Variants in STK32A observed in about 807,000 individuals in gnomAD.
STK32A encodes serine/threonine kinase 32A.
STK32A carries 41 observed loss-of-function variants against 53.2 expected under a neutral mutation model. That is an observed-to-expected ratio of 0.77 (90% CI 0.60 to 1.00). The LOEUF is 1.00. STK32A is among the 50% of genes least tolerant of loss of function. STK32A has a pLI of 0.00. For missense variants in STK32A, 458 were observed against 485.8 expected (o/e 0.94, Z 0.54); for synonymous variants, 166 against 162.8 (o/e 1.02, Z -0.15).
chr5:147,336,293 A>G (rs1043419478), intron 5 of STK32A, among the ~76,000 whole-genome samples: 1 of 151,986 alleles, frequency 6.6e-6, no homozygotes, highest in Non-Finnish European at 1.5e-5. Context: ...GGTCATGCCT[A>G]AGCTTTGCTG....
rs754859942 is a variant in STK32A, at chr5:147,342,989, T to TC, written c.435-16dup. ...TTTTATTGTGAGCAACTTTCTTTTTTCTTTTTACTCCTCTAGGGATATGAA... is the reference window on the plus strand; with the variant it reads ...TTTTATTGTGAGCAACTTTCTTTTTTCCTTTTTACTCCTCTAGGGATATGAA... On this transcript the variant is annotated splice_polypyrimidine_tract_variant and intron_variant, in intron 5 of 12. Coordinates refer to ENST00000397936, the MANE Select transcript of STK32A (RefSeq NM_001112724.2). 1 of 1,613,002 alleles carries TC rather than the reference T, an allele frequency of 6.2e-7. No individual in the cohort carries two copies. The highest frequency in any genetic ancestry group is 1.3e-5 in the African/African-American group (1 of 75,004).
At chr5:147,343,990 C>T (rs970657992) in intron 6 of STK32A, among the ~76,000 whole-genome samples, 26 of 152,088 alleles carry the variant, frequency 1.7e-4, no homozygotes, top group African/African-American at 6.0e-4. Flanking sequence ...ACGATTTCTT[C>T]CTAATATTTA....
chr5:147,360,312 G>A (rs943849158), intron 7 of STK32A, among the ~76,000 whole-genome samples: 19 of 151,716 alleles, frequency 1.3e-4, no homozygotes, highest in Non-Finnish European at 2.5e-4. Flanking sequence ...TTTACCAAAT[G>A]TGGTGGTACC....
chr5:147,399,375 G>A, the STK32A span: 1 of 1,155,322 alleles, frequency 8.7e-7, no homozygotes, highest in Non-Finnish European at 1.2e-6. Context: ...CACCTGAAAA[G>A]CTGGTGAGCT....
At chr5:147,242,229 C>A (rs541287655) in intron 2 of STK32A, among the ~76,000 whole-genome samples, 4 of 152,260 alleles carry the variant, frequency 2.6e-5, no homozygotes, top group East Asian at 3.9e-4. Flanking sequence ...CTGTGCCTCC[C>A]AAAGGTGCTA....
chr5:147,386,760 G>C lies in STK32A; in HGVS notation c.*2777G>C, dbSNP rs1752977571. The stretch of plus-strand genomic sequence containing the variant: ...ATGACACACAGTGTATTTCAAGTTT[G>C]AAAAGCAAAACCATGGTATCTGACA... On this transcript the variant is annotated 3_prime_UTR_variant, in exon 13 of 13. Transcript: ENST00000397936. The C allele has an allele frequency of 6.6e-6, 1 of 152,168 alleles. No individual in the cohort carries two copies. The highest frequency in any genetic ancestry group is 2.1e-4 in the South Asian group (1 of 4,824). The allele number at this position is 152,168 out of a possible 1,614,324, so 9.4% of individuals were successfully genotyped here.
intron 2 of STK32A, among the ~76,000 whole-genome samples, chr5:147,260,545 C>A: frequency 6.9e-6 from 1 of 145,894 alleles, no homozygotes; most frequent in Non-Finnish European, 1.5e-5. Context: ...TCTCGCCTTG[C>A]CTGTCCTCGA....
chr5:147,340,103 C>T (rs1755332312), intron 5 of STK32A, among the ~76,000 whole-genome samples: 1 of 152,162 alleles, frequency 6.6e-6, no homozygotes, highest in Non-Finnish European at 1.5e-5. Flanking sequence ...TTAGCATGCT[C>T]ATGTATTATA....
At chr5:147,276,910 T>G (rs1755288450) in intron 2 of STK32A, among the ~76,000 whole-genome samples, 3 of 152,206 alleles carry the variant, frequency 2.0e-5, no homozygotes, top group South Asian at 4.1e-4. Context: ...TTCATTATTT[T>G]GAGTCCAAGT....
chr5:147,376,762 T>A (rs557461157), intron 11 of STK32A, among the ~76,000 whole-genome samples: 1 of 152,176 alleles, frequency 6.6e-6, no homozygotes, highest in Admixed American at 6.5e-5. Context: ...CATCTTCACA[T>A]AGGGGGCTTC....
chr5:147,235,268 T>C (rs1753262837), intron 1 of STK32A, 69 bp downstream of exon 1: 1 of 152,268 alleles, frequency 6.6e-6, no homozygotes, highest in African/African-American at 2.4e-5. Context: ...GTTGGGAAGC[T>C]AGGAAGTGCA....
chr5:147,383,876 CT>C lies in STK32A; in HGVS notation c.1098-10del, dbSNP rs770622909. ...CAAAGAATAAAACATCTTTTTTTTTCTTTTCTTTTTAAGAGTAAACAGGGAC... is the reference window on the plus strand; with the variant it reads ...CAAAGAATAAAACATCTTTTTTTTTCTTTCTTTTTAAGAGTAAACAGGGAC... On this transcript the variant is annotated splice_polypyrimidine_tract_variant and intron_variant, in intron 12 of 12. Transcript: ENST00000397936. 5.6e-6 allele frequency: 8 copies of C among 1,435,608 alleles called. No homozygotes were observed. The highest frequency in any genetic ancestry group is 6.5e-6 in the Non-Finnish European group (7 of 1,070,048). The allele number at this position is 1,435,608 out of a possible 1,614,324, so 88.9% of individuals were successfully genotyped here. A position where few individuals can be genotyped will look rare whatever the true frequency, so the allele number is the denominator to read the frequency against.
chr5:147,254,877 C>T (rs1243580003), intron 2 of STK32A, among the ~76,000 whole-genome samples: 1 of 152,128 alleles, frequency 6.6e-6, no homozygotes, highest in Non-Finnish European at 1.5e-5. Flanking sequence ...CGGTGGCTCA[C>T]GCCTGTAATC....
At chr5:147,252,828 C>G (rs1754056650) in intron 2 of STK32A, among the ~76,000 whole-genome samples, 1 of 152,108 alleles carries the variant, frequency 6.6e-6, no homozygotes, top group Non-Finnish European at 1.5e-5. Flanking sequence ...TTATGTTTTT[C>G]CTCTCACTAG....
At chr5:147,364,148 G>C (rs1168438052) in intron 8 of STK32A, among the ~76,000 whole-genome samples, 25 of 144,868 alleles carry the variant, frequency 1.7e-4, no homozygotes. Context: ...CTGGGAGGTA[G>C]ATGTTGCAGT....
chr5:147,282,771 C>A (rs1420626161), intron 4 of STK32A, among the ~76,000 whole-genome samples: 1 of 152,188 alleles, frequency 6.6e-6, no homozygotes, highest in Non-Finnish European at 1.5e-5. Flanking sequence ...AAGCACCTAA[C>A]ACTGGAGCTC....
chr5:147,256,840 C>T (rs1456085785), intron 2 of STK32A, among the ~76,000 whole-genome samples: 2 of 152,054 alleles, frequency 1.3e-5, no homozygotes, highest in Admixed American at 6.6e-5. Context: ...TTTACAATAG[C>T]TATCTTGGTC....
chr5:147,348,295 T>G (rs1411935971), intron 6 of STK32A, among the ~76,000 whole-genome samples: 1 of 152,198 alleles, frequency 6.6e-6, no homozygotes, highest in Non-Finnish European at 1.5e-5. Context: ...TCAACTGACG[T>G]GTAATGAGTA....
chr5:147,315,584 G>A (rs1025676530), intron 4 of STK32A, among the ~76,000 whole-genome samples: 2 of 152,138 alleles, frequency 1.3e-5, no homozygotes, highest in Non-Finnish European at 2.9e-5. Flanking sequence ...GAGGAATAAG[G>A]AGTTATTATT....
Sources: gnomAD v4.1 joint callset for allele counts (sites outside exome capture counted in the v4.1 genomes callset) on GRCh38, gnomAD v4.1.1 for gene constraint, MANE v1.5 for transcripts, NCBI Gene and HGNC (gene_info 2026-07-23, HGNC 2026-07-21) for gene names.